The following LAMB4 variants were observed in gnomAD, a reference collection of about 807,000 sequenced individuals.
The protein encoded by LAMB4 is laminin subunit beta-4.
A neutral mutation model predicts 199.2 loss-of-function variants in LAMB4; 196 were observed. The observed-to-expected ratio is 0.98, with a 90% CI of 0.88 to 1.11. The LOEUF (loss-of-function observed/expected upper bound fraction) is 1.11, where lower values mean the gene tolerates loss of function less well. Ranked by LOEUF, LAMB4 falls within the 50% of genes least tolerant of loss-of-function variation. The pLI is 0.00. For synonymous variants in LAMB4, 744 were observed against 770.6 expected (o/e 0.97, Z 0.57); for missense variants, 2,080 against 2,171.2 (o/e 0.96, Z 0.83).
chr7:108,106,286 C>G (rs1321831401), intron 7 of LAMB4, among the ~76,000 whole-genome samples: 1 of 151,896 alleles, frequency 6.6e-6, no homozygotes, highest in South Asian at 2.1e-4. Context: ...GGCAGGGTGG[C>G]GCATGCCTGT....
downstream of LAMB4, among the ~76,000 whole-genome samples, chr7:108,023,255 G>A (rs923706821): frequency 5.9e-5 from 9 of 152,118 alleles, no homozygotes; most frequent in African/African-American, 2.2e-4. Context: ...CTGAAGGATC[G>A]CTTTCACAAA....
At chr7:108,106,718 C>T in intron 6 of LAMB4, 146 bp from the exon 7 acceptor site, 1 of 548,512 alleles carries the variant, frequency 1.8e-6, no homozygotes, top group East Asian at 3.4e-5. Flanking sequence ...GCATGCACCA[C>T]CATGCCCAGC....
chr7:108,095,503 C>A (rs533959222), intron 11 of LAMB4, among the ~76,000 whole-genome samples, 166 bp from the exon 12 acceptor site: 9 of 152,290 alleles, frequency 5.9e-5, no homozygotes, highest in African/African-American at 2.2e-4. Context: ...TTGCATATAA[C>A]CTCACAGAGG....
At chr7:108,052,311 T>C (rs911578266) in intron 25 of LAMB4, 54 bp from the exon 26 acceptor site, 2 of 1,404,184 alleles carry the variant, frequency 1.4e-6, no homozygotes, top group Non-Finnish European at 1.9e-6. Flanking sequence ...TTTGATATAT[T>C]GGTGAAAAAA....
At chr7:108,069,053 T>C (rs899766931) in intron 18 of LAMB4, among the ~76,000 whole-genome samples, 1 of 152,154 alleles carries the variant, frequency 6.6e-6, no homozygotes, top group Non-Finnish European at 1.5e-5. Context: ...CCTGAACTCA[T>C]AGCTCTGTCC....
At chr7:108,035,138 G>A (rs550090608) in intron 30 of LAMB4, among the ~76,000 whole-genome samples, 5 of 151,944 alleles carry the variant, frequency 3.3e-5, no homozygotes, top group African/African-American at 4.8e-5. Flanking sequence ...TCATCCCACC[G>A]CCACCACCAT....
intron 12 of LAMB4, 103 bp from the exon 13 acceptor site, chr7:108,092,519 C>A: frequency 1.2e-6 from 1 of 843,080 alleles, no homozygotes. Flanking sequence ...GTCAAATAGC[C>A]AAACAGCCTG....
the LAMB4 span, among the ~76,000 whole-genome samples, chr7:108,012,742 G>GC: frequency 6.6e-6 from 1 of 152,108 alleles, no homozygotes; most frequent in Non-Finnish European, 1.5e-5. Flanking sequence ...CAGCAATCTG[G>GC]CCCTTATATA....
intron 1 of LAMB4, among the ~76,000 whole-genome samples, chr7:108,123,917 C>T (rs1400313830): frequency 6.6e-6 from 1 of 152,202 alleles, no homozygotes; most frequent in Non-Finnish European, 1.5e-5. Flanking sequence ...AGGCTTCCCT[C>T]CATCCCCAAG....
chr7:108,076,820 G>A (rs988479963), intron 17 of LAMB4, 124 bp downstream of exon 17: 5 of 1,024,584 alleles, frequency 4.9e-6, no homozygotes, highest in Non-Finnish European at 5.8e-6. Context: ...ATGCTATTAG[G>A]TGGCTTTTAT....
chr7:108,020,470 C>CAAA (rs57432162), downstream of LAMB4, among the ~76,000 whole-genome samples: 3 of 62,894 alleles, frequency 4.8e-5, no homozygotes, highest in African/African-American at 8.8e-5. Context: ...GACTCCATCT[C>CAAA]AAAAAAAAAA....
At chr7:108,117,719 C>T (rs890530392) in intron 2 of LAMB4, among the ~76,000 whole-genome samples, 2 of 152,172 alleles carry the variant, frequency 1.3e-5, no homozygotes, top group African/African-American at 4.8e-5. Flanking sequence ...CCAAGGGCTG[C>T]TGGTTGCCCA....
Position 108,105,895 on chromosome 7 carries a change from G to A in LAMB4, c.792C>T (p.Ser264=), listed in dbSNP as rs763256737. The A allele has an allele frequency of 6.2e-7, 1 of 1,614,262 alleles. No homozygotes were observed. Among genetic ancestry groups the A allele is most frequent in the Admixed American group, 1.7e-5 (1 of 60,034 alleles). ...YALYEMIVRG[S]CFCNGHASEC... ...CGCTAGCATGGCCATTGCAAAAGCA[G>A]CTTCCCCGAACAATCATCTCGTACA... Residue 264 remains serine (S), a synonymous_variant, in exon 8 of 34, where the codon AGC becomes AGT. Transcript: ENST00000388781.
chr7:108,060,302 G>C (rs73424736), intron 23 of LAMB4, among the ~76,000 whole-genome samples: 1 of 152,156 alleles, frequency 6.6e-6, no homozygotes, highest in Admixed American at 6.5e-5. Context: ...TTCCCAAAAG[G>C]TCTAAGAAAC....
chr7:108,035,435 G>T (rs1021580666), intron 30 of LAMB4, among the ~76,000 whole-genome samples: 3 of 151,790 alleles, frequency 2.0e-5, no homozygotes, highest in African/African-American at 7.3e-5. Flanking sequence ...CCAGCTACTT[G>T]GGAGGCTGAG....
intron 14 of LAMB4, among the ~76,000 whole-genome samples, chr7:108,083,159 C>A (rs2037022828): frequency 6.6e-6 from 1 of 152,214 alleles, no homozygotes; most frequent in South Asian, 2.1e-4. Flanking sequence ...CATTTTCCAA[C>A]AAGGGCAAGT....
At chr7:108,127,908 C>T (rs1383093361) in intron 1 of LAMB4, among the ~76,000 whole-genome samples, 1 of 152,122 alleles carries the variant, frequency 6.6e-6, no homozygotes, top group African/African-American at 2.4e-5. Context: ...GCAGACACAC[C>T]TGAAAGCAAT....
At chr7:108,106,485 T>A (rs779498841) in intron 7 of LAMB4, 24 bp downstream of exon 7, 4 of 1,387,004 alleles carry the variant, frequency 2.9e-6, no homozygotes, top group Non-Finnish European at 4.0e-6. Context: ...AAAGCTGATA[T>A]GAAAAATATA....
intron 14 of LAMB4, among the ~76,000 whole-genome samples, chr7:108,083,499 T>G (rs1309164148): frequency 6.6e-6 from 1 of 152,168 alleles, no homozygotes; most frequent in African/African-American, 2.4e-5. Context: ...AGATCCACTT[T>G]CCAGCAAAAC....
Sources: allele counts gnomAD v4.1 joint callset (sites outside exome capture counted in the v4.1 genomes callset), GRCh38; gene constraint gnomAD v4.1.1; transcripts MANE v1.5; gene names NCBI Gene and HGNC (gene_info 2026-07-23, HGNC 2026-07-21).